The following CDH13 variants were observed in gnomAD, a reference collection of about 807,000 sequenced individuals.
CDH13 encodes the protein cadherin-13.
In CDH13, 24 loss-of-function variants were observed where a neutral mutation model predicts 63.8. The ratio of observed to expected loss-of-function variants is 0.38; its 90% CI spans 0.27 to 0.53. CDH13 has a LOEUF of 0.53. Among genes scored for constraint, CDH13 ranks in the 20% least tolerant of loss-of-function variants. CDH13 has a pLI of 0.85. For synonymous variants in CDH13, 503 were observed against 355.3 expected (o/e 1.42, Z -4.67); for missense variants, 1,049 against 903.1 (o/e 1.16, Z -2.07).
intron 1 of CDH13, among the ~76,000 whole-genome samples, chr16:82,792,517 T>A (rs956955902): frequency 5.3e-5 from 8 of 152,158 alleles, no homozygotes; most frequent in Non-Finnish European, 4.4e-5. Context: ...GAGGACCATT[T>A]ATAAGTTCTC....
intron 1 of CDH13, among the ~76,000 whole-genome samples, chr16:82,710,802 G>A (rs1384533272): frequency 2.0e-5 from 3 of 148,096 alleles, no homozygotes; most frequent in Non-Finnish European, 3.0e-5. Flanking sequence ...TAACCTATAA[G>A]TATATATGTA....
intron 2 of CDH13, among the ~76,000 whole-genome samples, chr16:82,971,046 T>G (rs1181023774): frequency 1.3e-5 from 2 of 152,218 alleles, no homozygotes; most frequent in East Asian, 3.9e-4. Flanking sequence ...TTTACCATTC[T>G]GGGGCATACT....
At chr16:83,447,090 A>C (rs1337243680) in intron 6 of CDH13, among the ~76,000 whole-genome samples, 1 of 60,438 alleles carries the variant, frequency 1.7e-5, no homozygotes, top group Non-Finnish European at 3.9e-5. Flanking sequence ...AACACCTTAT[A>C]GTAACCTTTT....
chr16:83,010,528 C>T, intron 2 of CDH13, among the ~76,000 whole-genome samples: 1 of 152,018 alleles, frequency 6.6e-6, no homozygotes, highest in Non-Finnish European at 1.5e-5. Context: ...AAGAGGAACC[C>T]CACTCATTCA....
intron 13 of CDH13, among the ~76,000 whole-genome samples, chr16:83,791,400 G>T (rs747489151): frequency 2.6e-5 from 4 of 152,090 alleles, no homozygotes; most frequent in Non-Finnish European, 1.5e-5. Context: ...GGAGGCTGAG[G>T]CAGGAGAATC....
At chr16:82,884,789 A>C (rs1559311) in intron 2 of CDH13, among the ~76,000 whole-genome samples, 114,407 of 152,104 alleles carry the variant, frequency 0.75, 43,260 homozygotes, top group East Asian at 0.89. Flanking sequence ...CAATTTTTGG[A>C]TAAAAATCCT....
chr16:82,627,196 G>A (rs1199526792), intron 1 of CDH13, 59 bp downstream of exon 1: 7 of 1,478,446 alleles, frequency 4.7e-6, no homozygotes, highest in Non-Finnish European at 6.5e-6. Flanking sequence ...CGGATCGCCC[G>A]GCACGGGCAG....
intron 5 of CDH13, among the ~76,000 whole-genome samples, chr16:83,249,563 A>T (rs949942799): frequency 6.6e-6 from 1 of 152,234 alleles, no homozygotes; most frequent in African/African-American, 2.4e-5. Context: ...CCATCATTCT[A>T]TCTGTTTTAC....
At chr16:82,795,168 G>A (rs1019858481) in intron 1 of CDH13, among the ~76,000 whole-genome samples, 1 of 152,206 alleles carries the variant, frequency 6.6e-6, no homozygotes, top group African/African-American at 2.4e-5. Flanking sequence ...TGTTGGCATG[G>A]AAGTTTTAGC....
Position 83,056,816 on chromosome 16 carries a change from T to C in CDH13, c.366+24598T>C, listed in dbSNP as rs185770496. 8.6e-4 allele frequency among the ~76,000 whole-genome samples: 130 copies of C among 151,838 alleles called. 1 individual carries two copies. The highest frequency in any genetic ancestry group is 2.8e-3 in the African/African-American group (116 of 41,414). ...AGTGAATAAGTCTCACGAGATTTGA[T>C]GGTTTTATAGAAGAGAGTTCCCTAC... On this transcript the variant is annotated intron_variant, in intron 3 of 13. Transcript: ENST00000567109.
chr16:83,290,790 G>C (rs1463085841), intron 5 of CDH13, among the ~76,000 whole-genome samples: 1 of 152,114 alleles, frequency 6.6e-6, no homozygotes, highest in Non-Finnish European at 1.5e-5. Flanking sequence ...CCATGCACGT[G>C]CACTTTTTTT....
intron 7 of CDH13, among the ~76,000 whole-genome samples, chr16:83,533,746 G>T (rs1047420614): frequency 2.0e-5 from 3 of 149,138 alleles, no homozygotes; most frequent in Non-Finnish European, 4.4e-5. Flanking sequence ...TCACCCTCCT[G>T]AGTAGCTGGG....
intron 5 of CDH13, among the ~76,000 whole-genome samples, chr16:83,273,283 G>A (rs1013915559): frequency 5.3e-5 from 8 of 151,958 alleles, no homozygotes; most frequent in South Asian, 2.1e-4. Flanking sequence ...TGTCATCCAC[G>A]TACTAAGCAT....
chr16:83,445,575 G>T (rs916079480), intron 6 of CDH13, among the ~76,000 whole-genome samples: 1 of 152,182 alleles, frequency 6.6e-6, no homozygotes, highest in Non-Finnish European at 1.5e-5. Flanking sequence ...CCAGAAGATA[G>T]CAAGGAACTT....
intron 4 of CDH13, among the ~76,000 whole-genome samples, chr16:83,176,415 C>T (rs530381891): frequency 6.8e-6 from 1 of 146,220 alleles, no homozygotes; most frequent in Non-Finnish European, 1.5e-5. Context: ...GAGGCTGAGG[C>T]AGGAGAATTG....
rs932969086 is a variant in CDH13 at position 82,970,590 on chromosome 16, G to A, written c.158-61420G>A. ...AATTTTTTGTATTTTTAGTAGAGACGGGGTTTCACCTTGTTAGCCAGGATG... is the reference window on the plus strand; with the variant it reads ...AATTTTTTGTATTTTTAGTAGAGACAGGGTTTCACCTTGTTAGCCAGGATG... On this transcript the variant is annotated intron_variant, in intron 2 of 13. Transcript: ENST00000567109. 2.7e-4 allele frequency among the ~76,000 whole-genome samples: 32 copies of A among 117,780 alleles called. 2 individuals carry two copies. The highest frequency in any genetic ancestry group is 1.0e-3 in the Admixed American group (12 of 11,888). The allele number at this position is 117,780 out of a possible 152,430, so 77.3% of individuals were successfully genotyped here. A position where few individuals can be genotyped will look rare whatever the true frequency, so the allele number is the denominator to read the frequency against.
intron 2 of CDH13, among the ~76,000 whole-genome samples, chr16:82,974,988 A>T (rs1909292127): frequency 6.6e-6 from 1 of 152,208 alleles, no homozygotes; most frequent in Non-Finnish European, 1.5e-5. Context: ...CAGTCTCAGA[A>T]TGGCTGTCCA....
rs746904500 is a variant in CDH13 at position 83,000,223 on chromosome 16, A to ATTTTT, written c.158-31750_158-31746dup. ...CTAGGAATATCCACAGGTTTAGCTT[A>ATTTTT]TTTTTTTTTTTTTTTTTTTTTTTTT... On this transcript the variant is annotated intron_variant, in intron 2 of 13. Transcript: ENST00000567109. 2.8e-3 allele frequency among the ~76,000 whole-genome samples: 103 copies of ATTTTT among 36,986 alleles called. 11 individuals carry two copies. The highest frequency in any genetic ancestry group is 4.6e-3 in the Non-Finnish European group (78 of 16,782). The allele number at this position is 36,986 out of a possible 152,430, so 24.3% of individuals were successfully genotyped here. A position where few individuals can be genotyped will look rare whatever the true frequency, so the allele number is the denominator to read the frequency against.
intron 1 of CDH13, among the ~76,000 whole-genome samples, chr16:82,724,951 G>C (rs192357208): frequency 1.4e-4 from 21 of 152,300 alleles, no homozygotes; most frequent in Non-Finnish European, 2.9e-5. Context: ...CATACTTAAA[G>C]GGTAGTTTTA....
Sources: allele counts gnomAD v4.1 joint callset (sites outside exome capture counted in the v4.1 genomes callset), GRCh38; gene constraint gnomAD v4.1.1; transcripts MANE v1.5; gene names NCBI Gene and HGNC (gene_info 2026-07-23, HGNC 2026-07-21).